DCDC1: variants seen among roughly 807,000 people sequenced by gnomAD.
The protein encoded by DCDC1 is doublecortin domain containing 1, also known as doublecortin domain-containing protein 1.
A neutral mutation model predicts 178.3 loss-of-function variants in DCDC1; 200 were observed. That is an observed-to-expected ratio of 1.12 (90% CI 1.00 to 1.26). The LOEUF is 1.26. DCDC1 is among the 50% of genes most tolerant of loss of function. DCDC1 has a pLI of 0.00. For missense variants in DCDC1, 1,983 were observed against 1,749.2 expected (o/e 1.13, Z -2.38); for synonymous variants, 690 against 604.8 (o/e 1.14, Z -2.07).
chr11:31,050,135 T>G (rs773993723), intron 20 of DCDC1, among the ~76,000 whole-genome samples: 84 of 152,272 alleles, frequency 5.5e-4, no homozygotes, highest in Middle Eastern at 3.4e-3. Context: ...CGCCCTCATC[T>G]GCAAACGGAC....
At chr11:30,970,472 A>C (rs571793754) in intron 20 of DCDC1, among the ~76,000 whole-genome samples, 1 of 152,252 alleles carries the variant, frequency 6.6e-6, no homozygotes. Flanking sequence ...TTGTGACCCC[A>C]CTGCTCCCAC....
intron 25 of DCDC1, 123 bp downstream of exon 25, chr11:30,920,653 C>T (rs1946184801): frequency 8.7e-7 from 1 of 1,145,888 alleles, no homozygotes; most frequent in South Asian, 1.7e-5. Context: ...ACTAGCTCTT[C>T]AGCTGCCATT....
At chr11:31,257,610 C>G (rs951722737) in intron 8 of DCDC1, among the ~76,000 whole-genome samples, 1 of 151,686 alleles carries the variant, frequency 6.6e-6, no homozygotes, top group South Asian at 2.1e-4. Context: ...ATAAGACAAA[C>G]TGATTTAACT....
Position 31,286,236 on chromosome 11 carries a change from C to T in DCDC1, c.960+4411G>A, listed in dbSNP as rs146223879. 6.8e-3 allele frequency among the ~76,000 whole-genome samples: 1,039 copies of T among 152,066 alleles called. 15 individuals are homozygous for T. The highest frequency in any genetic ancestry group is 0.024 in the African/African-American group (983 of 41,488). On this transcript the variant is annotated intron_variant, in intron 7 of 38. Coordinates refer to ENST00000684477, the MANE Select transcript of DCDC1 (RefSeq NM_001387274.1). Reference sequence around the variant, plus strand: ...CTGATTTTTTAACAGAAAGGCCAGACGATTCTGATGCAAGTGTTCTGTGGA... The same window carrying T: ...CTGATTTTTTAACAGAAAGGCCAGATGATTCTGATGCAAGTGTTCTGTGGA...
chr11:31,280,636 T>C, intron 7 of DCDC1: 1 of 464,372 alleles, frequency 2.2e-6, no homozygotes, highest in South Asian at 1.9e-5. Context: ...GAGACATTTC[T>C]GTTTTGTAAT....
At chr11:31,207,653 C>T (rs990333719) in intron 9 of DCDC1, among the ~76,000 whole-genome samples, 1 of 152,134 alleles carries the variant, frequency 6.6e-6, no homozygotes, top group Non-Finnish European at 1.5e-5. Flanking sequence ...ATTTAGCATG[C>T]AAACATGCCT....
intron 20 of DCDC1, among the ~76,000 whole-genome samples, chr11:31,053,837 C>CATCTATG (rs1955419578): frequency 6.6e-6 from 1 of 152,074 alleles, no homozygotes; most frequent in South Asian, 2.1e-4. Flanking sequence ...TAATAAAAGT[C>CATCTATG]ATCTATGACA....
Position 30,952,438 on chromosome 11 carries a change from A to G in DCDC1, c.2715+7T>C. The G allele has an allele frequency of 6.4e-7, 1 of 1,559,708 alleles. No individual in the cohort carries two copies. Among genetic ancestry groups the G allele is most frequent in the Non-Finnish European group, 8.7e-7 (1 of 1,154,184 alleles). The stretch of plus-strand genomic sequence containing the variant: ...CAATGACCATCTCTTAAGCTAAGCA[A>G]CACAACCTCATTAAGTTGGCCACTG... On this transcript the variant is annotated splice_region_variant and intron_variant, in intron 21 of 38. Transcript: ENST00000684477.
chr11:30,934,258 T>C (rs1444446380), intron 21 of DCDC1, among the ~76,000 whole-genome samples: 3 of 152,182 alleles, frequency 2.0e-5, no homozygotes, highest in Non-Finnish European at 4.4e-5. Flanking sequence ...AACATATGTA[T>C]TGGGATCAAA....
intron 9 of DCDC1, among the ~76,000 whole-genome samples, chr11:31,157,342 C>T (rs1424461567): frequency 8.5e-6 from 1 of 117,942 alleles, no homozygotes; most frequent in African/African-American, 3.3e-5. Flanking sequence ...AGAGAAAGAG[C>T]AAGACCCTTT....
intron 8 of DCDC1, among the ~76,000 whole-genome samples, chr11:31,255,052 T>C (rs531878892): frequency 6.6e-6 from 1 of 152,342 alleles, no homozygotes; most frequent in African/African-American, 2.4e-5. Flanking sequence ...TGTTACCTTT[T>C]ATGTCTGGCT....
intron 3 of DCDC1, among the ~76,000 whole-genome samples, chr11:31,324,781 AT>A (rs1190778933): frequency 1.3e-5 from 2 of 152,286 alleles, no homozygotes; most frequent in African/African-American, 2.4e-5. Context: ...TCTAAGATTC[AT>A]TCCAAGTAAA....
intron 1 of DCDC1, among the ~76,000 whole-genome samples, chr11:31,360,527 A>G (rs994669536): frequency 6.6e-6 from 1 of 152,234 alleles, no homozygotes; most frequent in Non-Finnish European, 1.5e-5. Flanking sequence ...AGAGATTAAC[A>G]GCAAATAACT....
At chr11:31,172,157 A>T (rs1967325626) in intron 9 of DCDC1, among the ~76,000 whole-genome samples, 1 of 152,118 alleles carries the variant, frequency 6.6e-6, no homozygotes, top group African/African-American at 2.4e-5. Context: ...TATTATGCTT[A>T]ATTATAATTT....
chr11:30,931,852 CT>C lies in DCDC1; in HGVS notation c.2815del (p.Arg939GlufsTer33). The C allele has an allele frequency of 6.2e-7, 1 of 1,613,148 alleles. No individual in the cohort carries two copies. The highest frequency in any genetic ancestry group is 8.5e-7 in the Non-Finnish European group (1 of 1,179,416). On this transcript the variant is annotated frameshift_variant, in exon 22 of 39. Coordinates refer to ENST00000684477, the MANE Select transcript of DCDC1 (RefSeq NM_001387274.1). LOFTEE classifies it high-confidence loss of function. ...ATTCTTCTCTCCATTCTGCAAAACT[CT>C]GAGTCGCACAGGGGCATATGGCTCT... ...TTEPYAPVRL[R>X]VLQNGEKNKN... is the part of the protein sequence containing the mutation.
intron 11 of DCDC1, among the ~76,000 whole-genome samples, chr11:31,117,758 T>C (rs1960187547): frequency 6.6e-6 from 1 of 151,732 alleles, no homozygotes; most frequent in Non-Finnish European, 1.5e-5. Flanking sequence ...AAGTTCAATA[T>C]ATGAAAATGT....
chr11:31,356,449 A>G (rs904697980), intron 1 of DCDC1, among the ~76,000 whole-genome samples: 2 of 152,162 alleles, frequency 1.3e-5, no homozygotes, highest in African/African-American at 4.8e-5. Context: ...ATGTAGAGGG[A>G]AATTTATAGC....
chr11:31,310,595 A>G (rs1177144167), intron 3 of DCDC1, among the ~76,000 whole-genome samples: 2 of 151,796 alleles, frequency 1.3e-5, no homozygotes. Context: ...CTGGGATTAC[A>G]CCGCGCCCAG....
At chr11:31,109,576 A>T (rs1229218522) in intron 12 of DCDC1, among the ~76,000 whole-genome samples, 1 of 152,146 alleles carries the variant, frequency 6.6e-6, no homozygotes, top group Non-Finnish European at 1.5e-5. Context: ...CAGGTAATGG[A>T]TACCACCAGG....
Sources: gnomAD v4.1 joint callset for allele counts (sites outside exome capture counted in the v4.1 genomes callset) on GRCh38, gnomAD v4.1.1 for gene constraint, MANE v1.5 for transcripts, NCBI Gene and HGNC (gene_info 2026-07-23, HGNC 2026-07-21) for gene names.